GFM2: variants seen among roughly 807,000 people sequenced by gnomAD.
GFM2 encodes GTP dependent ribosome recycling factor mitochondrial 2.
GFM2 carries 72 observed loss-of-function variants against 95.4 expected under a neutral mutation model. The ratio of observed to expected loss-of-function variants is 0.76; its 90% confidence interval spans 0.62 to 0.92. GFM2 has a LOEUF of 0.92. GFM2 is among the 40% of genes least tolerant of loss of function. The pLI is 0.00. For synonymous variants in GFM2, 276 were observed against 317.5 expected (o/e 0.87, Z 1.39); for missense variants, 825 against 924.1 (o/e 0.89, Z 1.39).
intron 5 of GFM2, among the ~76,000 whole-genome samples, chr5:74,753,170 G>T (rs1424870042): frequency 6.6e-6 from 1 of 152,152 alleles, no homozygotes; most frequent in African/African-American, 2.4e-5. Flanking sequence ...AATATTACAG[G>T]ATATGAACGG....
Position 74,764,493 on chromosome 5 carries a change from T to C in GFM2, c.-24-727A>G, listed in dbSNP as rs144523549. Among the ~76,000 whole-genome samples, 617 of 151,940 alleles carry C rather than the reference T, an allele frequency of 4.1e-3. 9 individuals carry two copies. Among genetic ancestry groups the C allele is most frequent in the African/African-American group, 0.014 (579 of 41,454 alleles). ...TAAACTTTCTTAAAATATTATGAGG[T>C]TTTTTTTATTTTTTTTTAGCTCATC... On this transcript the variant is annotated intron_variant, in intron 1 of 20. Transcript: ENST00000296805.
At chr5:74,738,943 T>G (rs1380206803) in intron 12 of GFM2, among the ~76,000 whole-genome samples, 1 of 152,126 alleles carries the variant, frequency 6.6e-6, no homozygotes, top group Non-Finnish European at 1.5e-5. Flanking sequence ...TCACACTACT[T>G]ATCAAGAAAT....
At chr5:74,750,913 A>G (rs1163306619) in intron 6 of GFM2, among the ~76,000 whole-genome samples, 1 of 152,244 alleles carries the variant, frequency 6.6e-6, no homozygotes, top group Admixed American at 6.5e-5. Flanking sequence ...ATATACACAT[A>G]CAATGGAATA....
In GFM2 at chr5:74,738,565, A is replaced by G. The variant is rs754563414; in HGVS notation, c.1157T>C (p.Met386Thr). 57 of 1,613,820 alleles carry G rather than the reference A, an allele frequency of 3.5e-5. No individual in the cohort carries two copies. In the East Asian group the frequency reaches 1.1e-3, roughly 32 times the overall value. The change falls in exon 13 of 21, where the codon ATG becomes ACG. Residue 386 changes from methionine (M) to threonine (T), a missense_variant. Coordinates refer to ENST00000296805, the MANE Select transcript of GFM2 (RefSeq NM_032380.5). ...TTTTATAGTGCCTGAGTAAATGCGC[A>G]TAAAAACCAGTGGTCCTCGCTGCTT... is the stretch of plus-strand genomic sequence containing the variant. ...HDKQRGPLVF[M>T]RIYSGTIKPQ...
At chr5:74,729,351 C>T (rs1750306470) in intron 17 of GFM2, among the ~76,000 whole-genome samples, 1 of 152,194 alleles carries the variant, frequency 6.6e-6, no homozygotes, top group South Asian at 2.1e-4. Context: ...GAGGATATGG[C>T]TCTCAAGCAC....
intron 1 of GFM2, chr5:74,765,301 T>A: frequency 5.0e-6 from 1 of 198,764 alleles, no homozygotes; most frequent in Middle Eastern, 5.5e-4. Flanking sequence ...GCTTTCTAGA[T>A]ATCAGCGTTA....
chr5:74,739,988 C>T lies in GFM2; in HGVS notation c.1079+1G>A. 1 of 1,514,312 alleles carries T rather than the reference C, an allele frequency of 6.6e-7. No individual in the cohort carries two copies. Among genetic ancestry groups the T allele is most frequent in the Non-Finnish European group, 8.8e-7 (1 of 1,131,506 alleles). The allele number at this position is 1,514,312 out of a possible 1,614,324, so 93.8% of individuals were successfully genotyped here. On this transcript the variant is annotated splice_donor_variant, in intron 12 of 20. Transcript: ENST00000296805. LOFTEE classifies it high-confidence loss of function. Reference sequence around the variant, plus strand: ...TTTAATATATGTGATTGCATACTTACAGAAATTCATAGTTACGCTCTTCAG... The same window carrying T: ...TTTAATATATGTGATTGCATACTTATAGAAATTCATAGTTACGCTCTTCAG...
intron 5 of GFM2, among the ~76,000 whole-genome samples, chr5:74,755,142 TAATA>T (rs1212244864): frequency 1.3e-5 from 2 of 152,184 alleles, no homozygotes; most frequent in Admixed American, 1.3e-4. Context: ...CAAAAAGACT[TAATA>T]AATATTTACA....
chr5:74,741,653 C>T lies in GFM2; in HGVS notation c.850-44G>A, dbSNP rs564428641. ...GAGTTCTATAACTTGCATTTACTTT[C>T]ATTAACTATTAATTTGTCCAAACAC... On this transcript the variant is annotated intron_variant, in intron 10 of 20. Coordinates refer to ENST00000296805, the MANE Select transcript of GFM2 (RefSeq NM_032380.5). The T allele has an allele frequency of 6.1e-5, 61 of 1,005,700 alleles. 1 individual carries two copies. The South Asian group carries it at 9.1e-4, about 15-fold the overall frequency. 62.3% of individuals were successfully genotyped at this position (1,005,700 alleles called of 1,614,324 possible).
intron 11 of GFM2, among the ~76,000 whole-genome samples, chr5:74,740,984 A>G (rs1448475127): frequency 1.3e-5 from 2 of 152,176 alleles, no homozygotes; most frequent in Non-Finnish European, 2.9e-5. Flanking sequence ...CCATGGGGAA[A>G]GTCCCTGGCA....
rs779755199 is a variant in GFM2, at chr5:74,738,457, A to T, written c.1221-40T>A. On this transcript the variant is annotated intron_variant, in intron 13 of 20. Coordinates refer to ENST00000296805, the MANE Select transcript of GFM2 (RefSeq NM_032380.5). The stretch of plus-strand genomic sequence containing the variant: ...TTTTATGTTAGTAAAAGTATTTTTA[A>T]AGAAGTGCATACAGTTTTATAAAAT... 3.1e-6 allele frequency: 5 copies of T among 1,610,610 alleles called. No homozygotes were observed. The Admixed American group carries it at 8.4e-5, about 27-fold the overall frequency.
intron 15 of GFM2, chr5:74,736,529 A>G: frequency 2.3e-6 from 3 of 1,281,194 alleles, no homozygotes; most frequent in South Asian, 3.8e-5. Context: ...TCTAAGGCCA[A>G]TTACTTAGAA....
At chr5:74,731,987 C>G (rs1341975998) in intron 16 of GFM2, among the ~76,000 whole-genome samples, 1 of 151,306 alleles carries the variant, frequency 6.6e-6, no homozygotes, top group Admixed American at 6.6e-5. Context: ...CAGGGTCTCG[C>G]TCTGTCACCC....
At chr5:74,745,982 G>T in intron 9 of GFM2, 123 bp downstream of exon 9, 1 of 1,059,562 alleles carries the variant, frequency 9.4e-7, no homozygotes, top group Non-Finnish European at 1.4e-6. Flanking sequence ...TATAATCTGT[G>T]GCTATTTCTA....
rs531853242 is a variant in GFM2, at chr5:74,746,605, T to C, written c.609-440A>G. Among the ~76,000 whole-genome samples the C allele has an allele frequency of 1.1e-4, 16 of 152,330 alleles. No individual in the cohort carries two copies. In the East Asian group the frequency reaches 1.4e-3, roughly 13 times the overall value. On this transcript the variant is annotated intron_variant, in intron 8 of 20. Transcript: ENST00000296805. ...AGAGCCTGCCTAGTCTTTGGCATTC[T>C]TCACATCGTATGCTACGCTATTCAT...
chr5:74,763,790 C>A (rs1295231945), intron 1 of GFM2, 24 bp from the exon 2 acceptor site: 1 of 1,438,546 alleles, frequency 7.0e-7, no homozygotes, highest in East Asian at 2.3e-5. Flanking sequence ...TATACAAAAT[C>A]AAAAAACTAA....
chr5:74,747,450 G>C (rs1388099661), intron 8 of GFM2, among the ~76,000 whole-genome samples: 1 of 152,138 alleles, frequency 6.6e-6, no homozygotes, highest in Admixed American at 6.6e-5. Context: ...ATATGATTCA[G>C]TCTCTCTATA....
intron 5 of GFM2, among the ~76,000 whole-genome samples, chr5:74,758,058 TTAGAAA>T (rs1430626237): frequency 2.6e-5 from 4 of 152,184 alleles, no homozygotes; most frequent in African/African-American, 9.7e-5. Flanking sequence ...TAGTTAACAC[TTAGAAA>T]TAGTTAAGAT....
chr5:74,731,140 G>A (rs1742541696), intron 16 of GFM2, among the ~76,000 whole-genome samples: 1 of 152,158 alleles, frequency 6.6e-6, no homozygotes, highest in Admixed American at 6.5e-5. Context: ...GAAAATGTAG[G>A]CAACTGTCAT....
Sources: gnomAD v4.1 joint callset for allele counts (sites outside exome capture counted in the v4.1 genomes callset) on GRCh38, gnomAD v4.1.1 for gene constraint, MANE v1.5 for transcripts, NCBI Gene and HGNC (gene_info 2026-07-23, HGNC 2026-07-21) for gene names.